Variants in COL24A1 observed in about 807,000 individuals in gnomAD.
COL24A1 encodes collagen alpha-1(XXIV) chain.
Under a neutral mutation model 253.9 loss-of-function variants are expected in COL24A1, and 224 were observed. The observed-to-expected ratio is 0.88, with a 90% CI of 0.79 to 0.99. The LOEUF is 0.99. COL24A1 is among the 50% of genes least tolerant of loss of function. The pLI, the probability that COL24A1 is intolerant of heterozygous loss-of-function variation, is 0.00. For synonymous variants in COL24A1, 685 were observed against 673.7 expected (o/e 1.02, Z -0.26); for missense variants, 2,131 against 2,068.5 (o/e 1.03, Z -0.59).
At chr1:85,825,464 A>G (rs961348325) in intron 43 of COL24A1, among the ~76,000 whole-genome samples, 5 of 152,100 alleles carry the variant, frequency 3.3e-5, no homozygotes, top group East Asian at 1.9e-4. Flanking sequence ...GGGTCAAATG[A>G]TATTTGTAGT....
Position 86,125,911 on chromosome 1 carries a change from A to G in COL24A1, c.425T>C (p.Leu142Ser), listed in dbSNP as rs762629490. ...CTGCTTTCCTCTAATGTGTACTACTAATTTTTTAGGTAGTAATTGTACTCC... is the reference window on the plus strand; with the variant it reads ...CTGCTTTCCTCTAATGTGTACTACTGATTTTTTAGGTAGTAATTGTACTCC... ...QLGVQLLPKK[L>S]VVHIRGKQPA... Residue 142 changes from leucine to serine, a missense_variant, in exon 3 of 60, where the codon TTA becomes TCA. Leu to Ser is a moderately radical substitution (Grantham distance 145). Transcript: ENST00000370571. 12 of 1,612,862 alleles carry G rather than the reference A, an allele frequency of 7.4e-6. No individual in the cohort carries two copies. In the South Asian group the frequency reaches 1.3e-4, roughly 18 times the overall value.
intron 8 of COL24A1, among the ~76,000 whole-genome samples, chr1:86,059,636 G>A (rs573129174): frequency 1.3e-5 from 2 of 152,268 alleles, no homozygotes; most frequent in Admixed American, 6.5e-5. Context: ...CTTACAGTGA[G>A]TCTGATTAAG....
chr1:85,843,939 C>T (rs313702), intron 39 of COL24A1, among the ~76,000 whole-genome samples: 57,025 of 151,562 alleles, frequency 0.38, 11,704 homozygotes, highest in East Asian at 0.58. Flanking sequence ...ATGTAACCTC[C>T]CAAAAATAAG....
intron 2 of COL24A1, among the ~76,000 whole-genome samples, chr1:86,131,191 T>C (rs1649116284): frequency 1.3e-5 from 2 of 152,136 alleles, no homozygotes; most frequent in East Asian, 3.9e-4. Context: ...TTCTTTATCT[T>C]TGAAATGCAG....
At chr1:86,008,545 T>G (rs917811402) in intron 19 of COL24A1, among the ~76,000 whole-genome samples, 3 of 152,332 alleles carry the variant, frequency 2.0e-5, no homozygotes, top group African/African-American at 7.2e-5. Flanking sequence ...CATGCCAGCA[T>G]TTACTTCATG....
intron 43 of COL24A1, among the ~76,000 whole-genome samples, chr1:85,834,527 G>A (rs1675781235): frequency 6.6e-6 from 1 of 152,154 alleles, no homozygotes; most frequent in African/African-American, 2.4e-5. Flanking sequence ...AGATGTGTAT[G>A]TCTGATGCTA....
At position 85,864,266 on chromosome 1, in the gene COL24A1, T is replaced by C. The variant is rs142572677; in HGVS notation, c.3300+4253A>G. The stretch of plus-strand genomic sequence containing the variant: ...TCCTTTGTTGAGACATGGATGAAGC[T>C]GGAAGCTATCATTCTCAGCAAACTA... On this transcript the variant is annotated intron_variant, in intron 37 of 59. Transcript: ENST00000370571. Among the ~76,000 whole-genome samples the C allele has an allele frequency of 2.3e-3, 347 of 152,242 alleles. 1 individual carries two copies. Among genetic ancestry groups the C allele is most frequent in the Admixed American group, 4.3e-3 (66 of 15,276 alleles).
chr1:85,914,258 C>T (rs1002498514), intron 24 of COL24A1, among the ~76,000 whole-genome samples: 7 of 150,030 alleles, frequency 4.7e-5, no homozygotes, highest in South Asian at 4.2e-4. Flanking sequence ...GTTACAGAAA[C>T]GAAGACTATA....
intron 52 of COL24A1, among the ~76,000 whole-genome samples, chr1:85,778,498 T>C: frequency 6.6e-6 from 1 of 152,102 alleles, no homozygotes; most frequent in East Asian, 1.9e-4. Context: ...GAATCTTTTT[T>C]CCATACAAAA....
At chr1:85,833,624 C>T (rs930557415) in intron 43 of COL24A1, among the ~76,000 whole-genome samples, 10 of 152,008 alleles carry the variant, frequency 6.6e-5, no homozygotes, top group African/African-American at 2.4e-4. Context: ...GGGTATATAC[C>T]CAAAGGATTA....
chr1:85,888,001 T>G (rs958757462), intron 32 of COL24A1, among the ~76,000 whole-genome samples: 1 of 151,956 alleles, frequency 6.6e-6, no homozygotes, highest in African/African-American at 2.4e-5. Context: ...TTAAACTGAA[T>G]TTATAATCTT....
At chr1:85,996,695 CAA>C (rs1460177029) in intron 19 of COL24A1, among the ~76,000 whole-genome samples, 1 of 151,990 alleles carries the variant, frequency 6.6e-6, no homozygotes. Context: ...TTAGTCAAGA[CAA>C]GACGTAGTTA....
At chr1:85,828,087 C>T (rs1385710760) in intron 43 of COL24A1, among the ~76,000 whole-genome samples, 2 of 152,062 alleles carry the variant, frequency 1.3e-5, no homozygotes, top group African/African-American at 4.8e-5. Flanking sequence ...CTACACACTG[C>T]TTTGAATGCA....
Position 86,059,146 on chromosome 1 carries a change from C to T in COL24A1, c.1781G>A (p.Gly594Asp), listed in dbSNP as rs768591386. 6.2e-7 allele frequency: 1 copy of T among 1,610,654 alleles called. No individual in the cohort carries two copies. Among genetic ancestry groups the T allele is most frequent in the Non-Finnish European group, 8.5e-7 (1 of 1,178,172 alleles). Residue 594 changes from glycine (G) to aspartate (D), a missense_variant, in exon 9 of 60, where the codon GGT (glycine) becomes GAT (aspartate). Transcript: ENST00000370571. Reference sequence around the variant, plus strand: ...CTGCCTGCCAGGGTAACCGGGTGAACCAATATTACCAGCAAATCCTGGAAT... The same window carrying T: ...CTGCCTGCCAGGGTAACCGGGTGAATCAATATTACCAGCAAATCCTGGAAT... ...QGIPGFAGNI[G>D]SPGYPGRQGL...
At chr1:86,041,321 T>G (rs890103926) in intron 12 of COL24A1, among the ~76,000 whole-genome samples, 2 of 152,152 alleles carry the variant, frequency 1.3e-5, no homozygotes, top group Non-Finnish European at 2.9e-5. Context: ...ACATCAGCAT[T>G]CGGATAGCAG....
intron 2 of COL24A1, among the ~76,000 whole-genome samples, chr1:86,133,050 T>C (rs4379700): frequency 0.96 from 146,105 of 151,890 alleles, 70,436 homozygotes; most frequent in Non-Finnish European, 1. Flanking sequence ...TTTGTAGTTC[T>C]CCTTGAAGAG....
At chr1:85,884,123 GAA>G (rs1317011292) in intron 32 of COL24A1, among the ~76,000 whole-genome samples, 1 of 151,962 alleles carries the variant, frequency 6.6e-6, no homozygotes, top group East Asian at 1.9e-4. Context: ...TTTTGTTTGA[GAA>G]AGACTTTATT....
chr1:85,783,467 T>C, intron 51 of COL24A1, 29 bp downstream of exon 51: 1 of 1,604,054 alleles, frequency 6.2e-7, no homozygotes, highest in Non-Finnish European at 8.5e-7. Context: ...AACCACAATT[T>C]CTGGTAGGCA....
intron 47 of COL24A1, among the ~76,000 whole-genome samples, chr1:85,807,082 C>G (rs1244987622): frequency 2.0e-5 from 3 of 152,224 alleles, no homozygotes; most frequent in African/African-American, 7.2e-5. Flanking sequence ...TCTAATCCTG[C>G]TTAACCTTCC....
Sources: gnomAD v4.1 joint callset for allele counts (sites outside exome capture counted in the v4.1 genomes callset) on GRCh38, gnomAD v4.1.1 for gene constraint, MANE v1.5 for transcripts, NCBI Gene and HGNC (gene_info 2026-07-23, HGNC 2026-07-21) for gene names.